Variants in DENND1A observed in about 807,000 individuals in gnomAD.
The protein encoded by DENND1A is DENN domain-containing protein 1A.
A neutral mutation model predicts 113.7 loss-of-function variants in DENND1A; 51 were observed. The observed-to-expected ratio is 0.45, with a 90% confidence interval of 0.36 to 0.57. DENND1A has a LOEUF of 0.57. Ranked by LOEUF, DENND1A falls within the 20% of genes least tolerant of loss-of-function variation. The pLI is 0.00. For missense variants in DENND1A, 1,258 were observed against 1,395.9 expected, an observed-to-expected ratio of 0.90 and a Z score of 1.57; for synonymous variants, 565 against 570.8, an observed-to-expected ratio of 0.99 and a Z score of 0.14.
intron 13 of DENND1A, among the ~76,000 whole-genome samples, chr9:123,475,791 T>C (rs1393731604): frequency 3.3e-5 from 5 of 152,258 alleles, no homozygotes; most frequent in African/African-American, 7.2e-5. Flanking sequence ...GTTGCCCAGA[T>C]AGAATGCCAG....
chr9:123,452,453 T>C (rs2047794149), intron 16 of DENND1A, 106 bp from the exon 17 acceptor site: 7 of 893,742 alleles, frequency 7.8e-6, no homozygotes, highest in African/African-American at 1.7e-5. Context: ...CAAAGGTATG[T>C]AAATGCACAT....
chr9:123,804,710 A>G (rs1357427811), intron 2 of DENND1A, among the ~76,000 whole-genome samples: 2 of 152,222 alleles, frequency 1.3e-5, no homozygotes, highest in Non-Finnish European at 2.9e-5. Flanking sequence ...GAGCCAATGT[A>G]TCAGCCACTC....
At chr9:123,778,397 C>T (rs1405394313) in intron 3 of DENND1A, among the ~76,000 whole-genome samples, 2 of 152,140 alleles carry the variant, frequency 1.3e-5, no homozygotes, top group East Asian at 1.9e-4. Flanking sequence ...GGCAGTCTTT[C>T]GATCAAGTCT....
intron 1 of DENND1A, among the ~76,000 whole-genome samples, chr9:123,882,327 A>AC (rs2133613023): frequency 7.8e-6 from 1 of 127,594 alleles, no homozygotes; most frequent in Admixed American, 7.2e-5. Context: ...TGTTTCAAAA[A>AC]AAAAAAAAAA....
At chr9:123,517,283 C>T (rs961400016) in intron 13 of DENND1A, among the ~76,000 whole-genome samples, 1 of 143,662 alleles carries the variant, frequency 7.0e-6, no homozygotes, top group African/African-American at 2.6e-5. Context: ...ACCCACAAAA[C>T]CCCCCCCAAA....
At chr9:123,386,051 C>T (rs907202010) in intron 22 of DENND1A, among the ~76,000 whole-genome samples, 14 of 152,088 alleles carry the variant, frequency 9.2e-5, no homozygotes, top group Admixed American at 3.9e-4. Context: ...ATAATTAAGG[C>T]GCCAGTTAGT....
At chr9:123,727,105 T>C (rs557604314) in intron 5 of DENND1A, among the ~76,000 whole-genome samples, 20 of 152,306 alleles carry the variant, frequency 1.3e-4, no homozygotes, top group Admixed American at 8.5e-4. Flanking sequence ...ATACCTTCTC[T>C]CTACTTGGCT....
chr9:123,674,897 C>T (rs1341964854), intron 6 of DENND1A, among the ~76,000 whole-genome samples: 1 of 149,492 alleles, frequency 6.7e-6, no homozygotes. Flanking sequence ...GAGTCAATCT[C>T]CAATTCAAAC....
chr9:123,408,757 G>A (rs2044080986), intron 20 of DENND1A, among the ~76,000 whole-genome samples: 1 of 152,208 alleles, frequency 6.6e-6, no homozygotes, highest in African/African-American at 2.4e-5. Flanking sequence ...TGTCTCCCGA[G>A]TCCTCAGTTG....
intron 16 of DENND1A, 85 bp from the exon 17 acceptor site, chr9:123,452,432 A>C: frequency 9.1e-7 from 1 of 1,100,900 alleles, no homozygotes; most frequent in Non-Finnish European, 1.4e-6. Flanking sequence ...CAATCGAGTT[A>C]AGCAACATTT....
At chr9:123,565,304 C>T (rs1379495246) in intron 12 of DENND1A, among the ~76,000 whole-genome samples, 1 of 152,144 alleles carries the variant, frequency 6.6e-6, no homozygotes, top group Admixed American at 6.5e-5. Context: ...ATGTCTGTCT[C>T]TTCTATTAGA....
At chr9:123,692,945 G>A (rs190937206) in intron 5 of DENND1A, among the ~76,000 whole-genome samples, 2 of 152,254 alleles carry the variant, frequency 1.3e-5, no homozygotes, top group East Asian at 1.9e-4. Context: ...AAGAAACTGA[G>A]GCTCAGAGAC....
intron 13 of DENND1A, among the ~76,000 whole-genome samples, chr9:123,514,327 G>C (rs2134686661): frequency 6.6e-6 from 1 of 152,158 alleles, no homozygotes; most frequent in Admixed American, 6.5e-5. Flanking sequence ...TGAGGGAGAT[G>C]AGGAGGATGT....
intron 13 of DENND1A, among the ~76,000 whole-genome samples, chr9:123,539,084 A>G (rs1480790616): frequency 6.6e-6 from 1 of 152,072 alleles, no homozygotes; most frequent in Non-Finnish European, 1.5e-5. Context: ...AGCTTAGAAT[A>G]TCACCATTTT....
At chr9:123,642,506 A>T (rs1394783308) in intron 9 of DENND1A, among the ~76,000 whole-genome samples, 1 of 152,228 alleles carries the variant, frequency 6.6e-6, no homozygotes, top group African/African-American at 2.4e-5. Context: ...TACTCTTCTC[A>T]GGTTGTTAGT....
At chr9:123,575,456 G>C (rs188679728) in intron 12 of DENND1A, among the ~76,000 whole-genome samples, 19 of 152,262 alleles carry the variant, frequency 1.2e-4, no homozygotes, top group African/African-American at 4.1e-4. Flanking sequence ...TCCCAAATTT[G>C]AATTTCTCAG....
At chr9:123,791,894 C>T (rs1445191542) in intron 3 of DENND1A, among the ~76,000 whole-genome samples, 1 of 152,188 alleles carries the variant, frequency 6.6e-6, no homozygotes, top group African/African-American at 2.4e-5. Context: ...AAAAAAGCTA[C>T]AAAACATCTT....
chr9:123,802,780 G>A (rs920528225), intron 2 of DENND1A, among the ~76,000 whole-genome samples: 7 of 149,932 alleles, frequency 4.7e-5, no homozygotes, highest in African/African-American at 1.7e-4. Context: ...TCGGCTCACC[G>A]CAACCTTCGC....
chr9:123,785,053 T>A (rs905141234), intron 3 of DENND1A, among the ~76,000 whole-genome samples: 1 of 152,166 alleles, frequency 6.6e-6, no homozygotes, highest in East Asian at 1.9e-4. Flanking sequence ...ACCTCTTATA[T>A]ACAAAGTAGT....
Sources: allele counts gnomAD v4.1 joint callset (sites outside exome capture counted in the v4.1 genomes callset), GRCh38; gene constraint gnomAD v4.1.1; transcripts MANE v1.5; gene names NCBI Gene and HGNC (gene_info 2026-07-23, HGNC 2026-07-21).